Variants in NSRP1 observed in about 807,000 individuals in gnomAD.
NSRP1 encodes the protein coiled-coil domain containing 55.
NSRP1 carries 24 observed loss-of-function variants against 54.7 expected under a neutral mutation model. That is an observed-to-expected ratio of 0.44 (90% confidence interval 0.32 to 0.62). The LOEUF (loss-of-function observed/expected upper bound fraction) is 0.62. Among genes scored for constraint, NSRP1 ranks in the 20% least tolerant of loss-of-function variants. The pLI is 0.06. For missense variants in NSRP1, 596 were observed against 651.2 expected (o/e 0.92, Z 0.92); for synonymous variants, 210 against 213.8 (o/e 0.98, Z 0.15).
At chr17:30,165,293 AG>A (rs1436466555) in intron 2 of NSRP1, among the ~76,000 whole-genome samples, 5 of 152,186 alleles carry the variant, frequency 3.3e-5, no homozygotes, top group Admixed American at 2.0e-4. Context: ...AAAATGGCAT[AG>A]GACTATGCAC....
chr17:30,124,487 C>G (rs1401543651), intron 2 of NSRP1, among the ~76,000 whole-genome samples: 1 of 152,250 alleles, frequency 6.6e-6, no homozygotes, highest in Non-Finnish European at 1.5e-5. Flanking sequence ...TTCCTCTTTT[C>G]CTCCTTCCTG....
intron 6 of NSRP1, among the ~76,000 whole-genome samples, chr17:30,183,669 A>G (rs1000042731): frequency 1.3e-5 from 2 of 152,194 alleles, no homozygotes; most frequent in African/African-American, 4.8e-5. Context: ...TCTTATTTAC[A>G]TTATACTCAT....
intron 2 of NSRP1, among the ~76,000 whole-genome samples, chr17:30,124,498 T>C (rs2071633364): frequency 6.6e-6 from 1 of 152,260 alleles, no homozygotes; most frequent in Admixed American, 6.5e-5. Context: ...CTCCTTCCTG[T>C]AGTGGGACTT....
At chr17:30,133,820 A>T (rs1303337444) in intron 2 of NSRP1, among the ~76,000 whole-genome samples, 1 of 152,198 alleles carries the variant, frequency 6.6e-6, no homozygotes, top group Non-Finnish European at 1.5e-5. Context: ...GACTACTAAA[A>T]TTCTCTCCAT....
rs570877718 is a variant in NSRP1, at chr17:30,118,749, C to CT, written c.114+593dup. 6.5e-3 allele frequency among the ~76,000 whole-genome samples: 895 copies of CT among 138,592 alleles called. 8 individuals are homozygous for CT. The highest frequency in any genetic ancestry group is 0.013 in the African/African-American group (486 of 37,802). 90.9% of individuals were successfully genotyped at this position (138,592 alleles called of 152,430 possible). On this transcript the variant is annotated intron_variant, in intron 2 of 6. Transcript: ENST00000247026. Reference sequence around the variant, plus strand: ...TCCCAAATGTGTGCTTTTCTTTTCTCTTTTTTTTTTTTTTTTTGAAACAGT... The same window carrying CT: ...TCCCAAATGTGTGCTTTTCTTTTCTCTTTTTTTTTTTTTTTTTTGAAACAGT...
chr17:30,172,922 G>A (rs985442211), intron 3 of NSRP1, among the ~76,000 whole-genome samples: 6 of 151,134 alleles, frequency 4.0e-5, no homozygotes, highest in Non-Finnish European at 8.8e-5. Flanking sequence ...CCAGAAAGAA[G>A]AATATCAGAG....
intron 5 of NSRP1, among the ~76,000 whole-genome samples, chr17:30,180,179 CAG>C (rs559004287): frequency 3.4e-5 from 5 of 147,042 alleles, no homozygotes; most frequent in African/African-American, 1.3e-4. Flanking sequence ...GCTTTTTGGA[CAG>C]AGTCTCGCTG....
chr17:30,184,873 T>C lies in NSRP1; in HGVS notation c.876T>C (p.Pro292=). 6.2e-7 allele frequency: 1 copy of C among 1,613,990 alleles called. No homozygotes were observed. Among genetic ancestry groups the C allele is most frequent in the Non-Finnish European group, 8.5e-7 (1 of 1,179,988 alleles). Residue 292 remains proline (P), a synonymous_variant, in exon 7 of 7, where the codon CCT becomes CCC. Coordinates refer to ENST00000247026, the MANE Select transcript of NSRP1 (RefSeq NM_032141.4). ...GGAGTCAAAACCACTCTCGGTCACC[T>C]AGTGAAGAAAGAGGGCACAGTACCA... ...HHRSQNHSRS[P]SEERGHSTRH...
chr17:30,127,716 G>T, intron 2 of NSRP1: 1 of 333,394 alleles, frequency 3.0e-6, no homozygotes, highest in East Asian at 4.4e-5. Flanking sequence ...AACTGGCCTA[G>T]TTGTTGCTTT....
chr17:30,160,731 A>G (rs913723781), intron 2 of NSRP1, among the ~76,000 whole-genome samples: 3 of 152,192 alleles, frequency 2.0e-5, no homozygotes, highest in Admixed American at 2.0e-4. Flanking sequence ...CACTTGAACC[A>G]TCATTCTTGA....
intron 2 of NSRP1, among the ~76,000 whole-genome samples, chr17:30,170,885 A>G (rs1333782185): frequency 1.3e-5 from 2 of 152,208 alleles, no homozygotes; most frequent in African/African-American, 4.8e-5. Context: ...ACCAGCCTAC[A>G]TCTGCACCAG....
chr17:30,125,333 C>T (rs1032551839), intron 2 of NSRP1, among the ~76,000 whole-genome samples: 4 of 152,220 alleles, frequency 2.6e-5, no homozygotes, highest in Non-Finnish European at 4.4e-5. Flanking sequence ...TTATTCCCCT[C>T]CTGAGGAAAG....
At chr17:30,182,761 C>T (rs1050634673) in intron 6 of NSRP1, among the ~76,000 whole-genome samples, 4 of 151,892 alleles carry the variant, frequency 2.6e-5, no homozygotes, top group Admixed American at 6.6e-5. Context: ...GGTGAAATCC[C>T]GTCTCTACTA....
At chr17:30,130,018 A>G (rs2071685322) in intron 2 of NSRP1, among the ~76,000 whole-genome samples, 1 of 152,224 alleles carries the variant, frequency 6.6e-6, no homozygotes, top group Non-Finnish European at 1.5e-5. Flanking sequence ...GAGAAAAGGA[A>G]AAGGATGGAA....
intron 2 of NSRP1, among the ~76,000 whole-genome samples, chr17:30,144,343 C>T (rs573028997): frequency 6.6e-6 from 1 of 151,724 alleles, no homozygotes; most frequent in African/African-American, 2.4e-5. Flanking sequence ...CCTCTGCAAC[C>T]TCTGCCTCCC....
chr17:30,142,346 G>T (rs2071813235), intron 2 of NSRP1, among the ~76,000 whole-genome samples: 1 of 152,024 alleles, frequency 6.6e-6, no homozygotes, highest in South Asian at 2.1e-4. Flanking sequence ...GACGGGGCAG[G>T]GGTGGGTTTT....
At chr17:30,151,843 C>T (rs1382002496) in intron 2 of NSRP1, among the ~76,000 whole-genome samples, 13 of 134,516 alleles carry the variant, frequency 9.7e-5, no homozygotes, top group African/African-American at 3.4e-4. Flanking sequence ...AGTGCAGTGG[C>T]GCAATCTCAG....
chr17:30,181,984 T>TC (rs1489145071), intron 6 of NSRP1, among the ~76,000 whole-genome samples: 3 of 149,674 alleles, frequency 2.0e-5, no homozygotes, highest in Non-Finnish European at 4.4e-5. Flanking sequence ...GTTTGAGGGA[T>TC]CCCCCCTCTA....
chr17:30,135,965 C>T (rs1358661295), intron 2 of NSRP1, among the ~76,000 whole-genome samples: 2 of 152,042 alleles, frequency 1.3e-5, no homozygotes, highest in African/African-American at 4.8e-5. Context: ...GTAATCCCAG[C>T]ACTTTGGTAG....
Sources: allele counts gnomAD v4.1 joint callset (sites outside exome capture counted in the v4.1 genomes callset), GRCh38; gene constraint gnomAD v4.1.1; transcripts MANE v1.5; gene names NCBI Gene and HGNC (gene_info 2026-07-23, HGNC 2026-07-21).